Variants in PDE10A observed in about 807,000 individuals in gnomAD.
PDE10A encodes phosphodiesterase 10A.
In PDE10A, 39 loss-of-function variants were observed where a neutral mutation model predicts 97.7. The ratio of observed to expected loss-of-function variants is 0.40; its 90% CI spans 0.31 to 0.52. The LOEUF is 0.52. Ranked by LOEUF, PDE10A falls within the 20% of genes least tolerant of loss-of-function variation. The pLI, the probability that PDE10A is intolerant of heterozygous loss-of-function variation, is 0.56. For missense variants in PDE10A, 731 were observed against 1,047.8 expected, an observed-to-expected ratio of 0.70 and a Z score of 4.17; for synonymous variants, 371 against 376.8, an observed-to-expected ratio of 0.98 and a Z score of 0.18.
intron 1 of PDE10A, among the ~76,000 whole-genome samples, chr6:165,825,468 C>A (rs1357007732): frequency 6.6e-6 from 1 of 152,186 alleles, no homozygotes; most frequent in Non-Finnish European, 1.5e-5. Context: ...TACGGCCCAG[C>A]CCTGCTGCGG....
chr6:165,887,345 A>G (rs946708466), intron 1 of PDE10A, among the ~76,000 whole-genome samples: 1 of 152,200 alleles, frequency 6.6e-6, no homozygotes, highest in Admixed American at 6.5e-5. Context: ...GTTCTCCTTC[A>G]TCACTGGGTT....
rs1211808811 is a variant in PDE10A, at chr6:165,655,223, T to A, written c.865+6724A>T. Among the ~76,000 whole-genome samples, 1 of 152,052 alleles carries A rather than the reference T, an allele frequency of 6.6e-6. No homozygotes were observed. Among genetic ancestry groups the A allele is most frequent in the African/African-American group, 2.4e-5 (1 of 41,404 alleles). On this transcript the variant is annotated intron_variant, in intron 1 of 21. Transcript: ENST00000539869. The surrounding 1 kb of genome is among the most constrained non-coding windows in gnomAD (Gnocchi z 4.5). ...ACTGTCCTTGGGGCATCCAATCCCATGATTTTAGATGCTGTGACTGCAGTT... is the reference window on the plus strand; with the variant it reads ...ACTGTCCTTGGGGCATCCAATCCCAAGATTTTAGATGCTGTGACTGCAGTT...
intron 1 of PDE10A, among the ~76,000 whole-genome samples, chr6:165,807,502 G>A (rs755629717): frequency 3.3e-5 from 5 of 152,142 alleles, no homozygotes; most frequent in Non-Finnish European, 5.9e-5. Context: ...CAGCAGGTTC[G>A]TCCTGCAGTA....
At chr6:165,558,016 CA>C (rs1784344151) in intron 1 of PDE10A, among the ~76,000 whole-genome samples, 1 of 152,148 alleles carries the variant, frequency 6.6e-6, no homozygotes, top group Non-Finnish European at 1.5e-5. Flanking sequence ...CAATATATAA[CA>C]AACGATATGC....
At chr6:165,805,993 T>A (rs1779126268) in intron 1 of PDE10A, among the ~76,000 whole-genome samples, 1 of 142,522 alleles carries the variant, frequency 7.0e-6, no homozygotes, top group Non-Finnish European at 1.5e-5. Flanking sequence ...CCTCAGTCCC[T>A]GCTTTGTAGG....
chr6:165,764,856 T>A (rs1777785451), intron 1 of PDE10A, among the ~76,000 whole-genome samples: 1 of 152,170 alleles, frequency 6.6e-6, no homozygotes, highest in Non-Finnish European at 1.5e-5. Context: ...TCGGGCAGCC[T>A]GCTTTTATTC....
At chr6:165,352,413 T>C (rs1293934046) in intron 18 of PDE10A, among the ~76,000 whole-genome samples, 1 of 152,108 alleles carries the variant, frequency 6.6e-6, no homozygotes, top group Admixed American at 6.6e-5. Context: ...CTGACTGTCA[T>C]CCATCAACTA....
chr6:165,331,164 AGTGT>A lies in PDE10A; in HGVS notation c.*1857_*1860del, dbSNP rs2128171483. 1 of 152,154 alleles carries A rather than the reference AGTGT, an allele frequency of 6.6e-6. No homozygotes were observed. Among genetic ancestry groups the A allele is most frequent in the Non-Finnish European group, 1.5e-5 (1 of 67,976 alleles). The allele number at this position is 152,154 out of a possible 1,614,324, so 9.4% of individuals were successfully genotyped here. On this transcript the variant is annotated 3_prime_UTR_variant, in exon 22 of 22. Coordinates refer to ENST00000539869, the MANE Select transcript of PDE10A (RefSeq NM_001385079.1). ...ACATATGTATACGTTTACATACATG[AGTGT>A]GTATCCTATATACATCTATGTGTGT...
intron 1 of PDE10A, among the ~76,000 whole-genome samples, chr6:165,928,358 A>G (rs567142319): frequency 3.3e-5 from 5 of 152,306 alleles, no homozygotes; most frequent in Admixed American, 1.3e-4. Context: ...TGAAACCCAC[A>G]TGAGGCCGAG....
chr6:165,749,437 C>T (rs1271533076), intron 1 of PDE10A, among the ~76,000 whole-genome samples: 3 of 147,960 alleles, frequency 2.0e-5, no homozygotes, highest in Non-Finnish European at 4.5e-5. Flanking sequence ...ACCACCATCA[C>T]CATCACCACC....
intron 1 of PDE10A, among the ~76,000 whole-genome samples, chr6:165,719,860 A>G (rs1251099854): frequency 1.3e-5 from 2 of 152,214 alleles, no homozygotes; most frequent in Non-Finnish European, 2.9e-5. Context: ...TACAAGAGAG[A>G]AAAATGGAAT....
intron 1 of PDE10A, among the ~76,000 whole-genome samples, chr6:165,801,950 C>T (rs1391831512): frequency 6.6e-6 from 1 of 152,146 alleles, no homozygotes; most frequent in Non-Finnish European, 1.5e-5. Flanking sequence ...GATGGGCACA[C>T]AGACAACAGG....
At chr6:165,566,991 T>A (rs1784808188) in intron 1 of PDE10A, among the ~76,000 whole-genome samples, 1 of 152,158 alleles carries the variant, frequency 6.6e-6, no homozygotes, top group Non-Finnish European at 1.5e-5. Flanking sequence ...GCCATATATA[T>A]TATTACAATA....
upstream of PDE10A, among the ~76,000 whole-genome samples, chr6:165,663,975 G>A (rs1056018683): frequency 2.0e-5 from 3 of 152,228 alleles, no homozygotes; most frequent in Admixed American, 6.5e-5. Flanking sequence ...AGCGCACACA[G>A]ATGCACAGGT....
At chr6:165,409,164 C>CAAAAAAAA (rs61455081) in intron 13 of PDE10A, among the ~76,000 whole-genome samples, 2 of 108,134 alleles carry the variant, frequency 1.8e-5, no homozygotes, top group African/African-American at 3.6e-5. Flanking sequence ...GACTCCATCT[C>CAAAAAAAA]AAAAAAAAAA....
intron 1 of PDE10A, among the ~76,000 whole-genome samples, chr6:165,579,585 C>T (rs1444992021): frequency 6.6e-6 from 1 of 152,170 alleles, no homozygotes. Flanking sequence ...ATTCCAGCCA[C>T]TATCATCCTT....
At chr6:165,804,250 A>ATT (rs1779055902) in intron 1 of PDE10A, among the ~76,000 whole-genome samples, 2 of 152,226 alleles carry the variant, frequency 1.3e-5, no homozygotes, top group African/African-American at 4.8e-5. Flanking sequence ...AAAAAATTTT[A>ATT]TCAAAACAAT....
At chr6:165,409,977 CT>C (rs1787612329) in intron 13 of PDE10A, among the ~76,000 whole-genome samples, 2 of 149,886 alleles carry the variant, frequency 1.3e-5, no homozygotes, top group South Asian at 4.2e-4. Context: ...GCATTTGAAC[CT>C]GCTAGTCTAG....
intron 1 of PDE10A, among the ~76,000 whole-genome samples, chr6:165,972,557 G>T (rs1784715048): frequency 1.3e-5 from 2 of 152,278 alleles, no homozygotes; most frequent in African/African-American, 4.8e-5. Flanking sequence ...CAGCTGGGGA[G>T]ACACAGCGCA....
Sources: gnomAD v4.1 joint callset for allele counts (sites outside exome capture counted in the v4.1 genomes callset) on GRCh38, gnomAD v4.1.1 for gene constraint, Gnocchi (gnomAD v3.1) non-coding constraint, MANE v1.5 for transcripts, NCBI Gene and HGNC (gene_info 2026-07-23, HGNC 2026-07-21) for gene names.